Variants in SLC4A1 observed in about 807,000 individuals in gnomAD.
SLC4A1 encodes band 3 anion transport protein.
SLC4A1 carries 29 observed loss-of-function variants against 93.1 expected under a neutral mutation model. The ratio of observed to expected loss-of-function variants is 0.31; its 90% CI spans 0.23 to 0.42. SLC4A1 has a LOEUF of 0.42. Ranked by LOEUF, SLC4A1 falls within the 20% of genes least tolerant of loss-of-function variation. The pLI, the probability that SLC4A1 is intolerant of heterozygous loss-of-function variation, is 1.00. For synonymous variants in SLC4A1, 469 were observed against 497.2 expected, an observed-to-expected ratio of 0.94 and a Z score of 0.76; for missense variants, 965 against 1,190.1, an observed-to-expected ratio of 0.81 and a Z score of 2.78.
chr17:44,257,732 A>G lies in SLC4A1; in HGVS notation c.1358T>C (p.Leu453Pro), dbSNP rs1240770803. 6.2e-7 allele frequency: 1 copy of G among 1,614,092 alleles called. No homozygotes were observed. The highest frequency in any genetic ancestry group is 8.5e-7 in the Non-Finnish European group (1 of 1,180,030). The change falls in exon 12 of 20, where the codon CTG becomes CCG. Residue 453 changes from leucine to proline, a missense_variant. By Grantham distance (98) the Leu-to-Pro change is moderately conservative. Coordinates refer to ENST00000262418, the MANE Select transcript of SLC4A1 (RefSeq NM_000342.4). ...CACAAGCAGGGGCTGAGCCCCCAGCAGGGCGAAGAGAATGCCCTGCACTGC... is the reference window on the plus strand; with the variant it reads ...CACAAGCAGGGGCTGAGCCCCCAGCGGGGCGAAGAGAATGCCCTGCACTGC... ...STAVQGILFA[L>P]LGAQPLLVVG... is the part of the protein sequence containing the mutation.
At chr17:44,263,043 G>T in intron 1 of SLC4A1, 109 bp from the exon 2 acceptor site, 2 of 894,094 alleles carry the variant, frequency 2.2e-6, no homozygotes, top group Non-Finnish European at 3.6e-6. Flanking sequence ...GTTGGAGGTG[G>T]TAGGGCCAGA....
chr17:44,257,676 C>G lies in SLC4A1; in HGVS notation c.1414G>C (p.Glu472Gln). Residue 472 changes from glutamate (E) to glutamine (Q), a missense_variant, in exon 12 of 20, where the codon GAG (glutamate) becomes CAG (glutamine). By Grantham distance (29) the Glu-to-Gln change is conservative (BLOSUM62 2). This residue lies in a region of SLC4A1 where 770 missense variants were observed against 1,006.6 expected (regional missense o/e 0.76). Transcript: ENST00000262418. Reference protein sequence around the residue: ...VGFSGPLLVFEEAFFSFCETN... With the variant: ...VGFSGPLLVFQEAFFSFCETN... ...AGAACTACCGAGAAGAAGGCTTCCT[C>G]AAACACCAGCAGGGGTCCTGAGAAG... 6.2e-7 allele frequency: 1 copy of G among 1,613,820 alleles called. No individual in the cohort carries two copies. The highest frequency in any genetic ancestry group is 8.5e-7 in the Non-Finnish European group (1 of 1,179,930).
At position 44,258,161 on chromosome 17, in the gene SLC4A1, A is replaced by G; in HGVS notation, c.1107T>C (p.Asp369=). ...GCTGGCCTGTCTGCTGCAGAGGGTC[A>G]TCTGGGCCCCCATTTAAGTCTGTGG... ...YKGLDLNGGP[D]DPLQQTGQLF... is the part of the protein sequence containing the mutation. Residue 369 remains aspartate, a synonymous_variant, in exon 11 of 20, where the codon GAT becomes GAC. Transcript: ENST00000262418. This position sits in a 1 kb window ranked among gnomAD's most constrained non-coding sequence, Gnocchi z 6.1. The G allele has an allele frequency of 6.2e-7, 1 of 1,614,026 alleles. No homozygotes were observed. Among genetic ancestry groups the G allele is most frequent in the Admixed American group, 1.7e-5 (1 of 59,998 alleles).
In SLC4A1 at chr17:44,257,399, AAGG is replaced by A; in HGVS notation, c.1574_1576del (p.Ser525del). ...ATAGATGAAGATGAGGGAAATGAGG[AAGG>A]AGAAGATCTCCTGGGTATAGCGGGA... On this transcript the variant is annotated inframe_deletion, in exon 13 of 20. Transcript: ENST00000262418. The A allele has an allele frequency of 6.2e-7, 1 of 1,614,046 alleles. No homozygotes were observed. The highest frequency in any genetic ancestry group is 8.5e-7 in the Non-Finnish European group (1 of 1,180,016).
intron 1 of SLC4A1, among the ~76,000 whole-genome samples, chr17:44,264,026 C>T (rs762157772): frequency 4.0e-5 from 6 of 151,702 alleles, no homozygotes; most frequent in Non-Finnish European, 5.9e-5. Context: ...TTTTTGAGAG[C>T]GGGTCTCCCT....
chr17:44,259,903 C>T lies in SLC4A1; in HGVS notation c.515G>A (p.Gly172Asp). The change falls in exon 7 of 20, where the codon GGT (glycine) becomes GAT (aspartate). Residue 172 changes from glycine (G) to aspartate (D), a missense_variant. By Grantham distance (94) the Gly-to-Asp change is moderately conservative. This residue lies in a region of SLC4A1 where 770 missense variants were observed against 1,006.6 expected (regional missense o/e 0.76). Coordinates refer to ENST00000262418, the MANE Select transcript of SLC4A1 (RefSeq NM_000342.4). ...SHAGELEALG[G>D]VKPAVLTRSG... is the part of the protein sequence containing the mutation. ...GCGTGTCAGGACTGCAGGCTTCACA[C>T]CCCCCAGGGCCTCCAGCTCTCCAGC... 6.2e-7 allele frequency: 1 copy of T among 1,613,660 alleles called. No homozygotes were observed. Among genetic ancestry groups the T allele is most frequent in the Non-Finnish European group, 8.5e-7 (1 of 1,179,868 alleles).
rs899758134 is a variant in SLC4A1 at position 44,263,256 on chromosome 17, GCCCAT to G, written c.-68-327_-68-323del. Among the ~76,000 whole-genome samples the G allele has an allele frequency of 9.9e-5, 15 of 152,186 alleles. 1 individual carries two copies. The highest frequency in any genetic ancestry group is 3.9e-4 in the Admixed American group (6 of 15,306). On this transcript the variant is annotated intron_variant, in intron 1 of 19. Transcript: ENST00000262418. ...TAGTCTTCACCTGGCTTCTTTTCTT[GCCCAT>G]CCCTGGGACTCAGCTAATACCAGGG...
chr17:44,251,609 C>A (rs7224490), intron 17 of SLC4A1, 21 bp from the exon 18 acceptor site: 1 of 1,613,320 alleles, frequency 6.2e-7, no homozygotes, highest in Non-Finnish European at 8.5e-7. Flanking sequence ...GCCGCACACT[C>A]TCAGCCCAGG....
At chr17:44,257,014 C>T (rs1046881889) in intron 13 of SLC4A1, among the ~76,000 whole-genome samples, 5 of 145,974 alleles carry the variant, frequency 3.4e-5, no homozygotes, top group Admixed American at 6.9e-5. Flanking sequence ...TTTTTTGAGA[C>T]GGATTCTTGC....
chr17:44,251,086 G>T, intron 19 of SLC4A1, 73 bp downstream of exon 19: 1 of 1,490,942 alleles, frequency 6.7e-7, no homozygotes, highest in Non-Finnish European at 9.1e-7. Flanking sequence ...ACTCTGTCCT[G>T]CCTGCCCTAG....
intron 2 of SLC4A1, 55 bp downstream of exon 2, chr17:44,262,797 A>G (rs1381935897): frequency 1.9e-6 from 3 of 1,609,156 alleles, no homozygotes; most frequent in East Asian, 4.5e-5. Context: ...GGAGTCTAGG[A>G]CCAGGTCCCC....
rs763988041 is a variant in SLC4A1, at chr17:44,254,625, G to A, written c.1928C>T (p.Ser643Phe). Residue 643 changes from serine to phenylalanine, a missense_variant, in exon 16 of 20, where the codon TCC (serine) becomes TTC (phenylalanine). By Grantham distance (155) the Ser-to-Phe change is radical. This residue lies in a region of SLC4A1 where 770 missense variants were observed against 1,006.6 expected (regional missense o/e 0.76). Coordinates refer to ENST00000262418, the MANE Select transcript of SLC4A1 (RefSeq NM_000342.4). ...GTGGATGACCCAGCCCCGGGCTGAG[G>A]AGTTGGACACCTTGAAGCCATCAGG... ...SVPDGFKVSN[S>F]SARGWVIHPL... 25 of 1,614,070 alleles carry A rather than the reference G, an allele frequency of 1.5e-5. No individual in the cohort carries two copies. Among genetic ancestry groups the A allele is most frequent in the Middle Eastern group, 1.6e-4 (1 of 6,084 alleles).
At chr17:44,256,993 CTTTT>C (rs1279174931) in intron 13 of SLC4A1, among the ~76,000 whole-genome samples, 1 of 142,396 alleles carries the variant, frequency 7.0e-6, no homozygotes, top group African/African-American at 2.6e-5. Context: ...ATGGCTCAGT[CTTTT>C]TTTTTTTTTT....
chr17:44,255,341 C>G, intron 14 of SLC4A1, 45 bp from the exon 15 acceptor site: 1 of 1,420,130 alleles, frequency 7.0e-7, no homozygotes, highest in African/African-American at 1.4e-5. Context: ...CAGTCACTCC[C>G]CACCTCCTGC....
At chr17:44,255,322 G>T in intron 14 of SLC4A1, 26 bp from the exon 15 acceptor site, 1 of 1,529,292 alleles carries the variant, frequency 6.5e-7, no homozygotes. Context: ...AGGACCAGTG[G>T]TCAGTGCCCA....
Position 44,248,828 on chromosome 17 carries a change from C to T in SLC4A1, c.*1630G>A, listed in dbSNP as rs1318125797. The T allele has an allele frequency of 4.9e-6, 1 of 203,200 alleles. No homozygotes were observed. Among genetic ancestry groups the T allele is most frequent in the African/African-American group, 2.5e-5 (1 of 40,296 alleles). 12.6% of individuals were successfully genotyped at this position (203,200 alleles called of 1,614,324 possible). A position where few individuals can be genotyped will look rare whatever the true frequency, so the allele number is the denominator to read the frequency against. On this transcript the variant is annotated 3_prime_UTR_variant, in exon 20 of 20. Transcript: ENST00000262418. The stretch of plus-strand genomic sequence containing the variant: ...CACACACATGTTGAGTCTGTGGCCC[C>T]CAAGGCTGATGTTTCCTTCCGTTTT...
chr17:44,260,312 G>T, intron 6 of SLC4A1, 92 bp downstream of exon 6: 1 of 1,504,030 alleles, frequency 6.6e-7, no homozygotes, highest in South Asian at 1.2e-5. Context: ...TGAGGGTAGG[G>T]CCACCTGGAT....
intron 3 of SLC4A1, 38 bp downstream of exon 3, chr17:44,262,598 A>G (rs1457173220): frequency 1.3e-6 from 2 of 1,508,494 alleles, no homozygotes; most frequent in Admixed American, 1.8e-5. Context: ...TCTAGGGCTC[A>G]GCAGCTCATC....
chr17:44,250,582 G>T, intron 19 of SLC4A1, 44 bp from the exon 20 acceptor site: 1 of 1,512,974 alleles, frequency 6.6e-7, no homozygotes, highest in Non-Finnish European at 9.2e-7. Context: ...GAGACCCTGG[G>T]GCCAGAAGAG....
Sources: allele counts gnomAD v4.1 joint callset (sites outside exome capture counted in the v4.1 genomes callset), GRCh38; gene constraint gnomAD v4.1.1; regional missense constraint gnomAD v4.1.1; non-coding constraint Gnocchi (gnomAD v3.1); transcripts MANE v1.5; gene names NCBI Gene and HGNC (gene_info 2026-07-23, HGNC 2026-07-21).